Variants in TULP4 observed in about 807,000 individuals in gnomAD.
TULP4 encodes tubby-related protein 4.
In TULP4, 16 loss-of-function variants were observed where a neutral mutation model predicts 129.0. The observed-to-expected ratio is 0.12, with a 90% CI of 0.08 to 0.19. The LOEUF (loss-of-function observed/expected upper bound fraction) is 0.19, where lower values mean the gene tolerates loss of function less well. Ranked by LOEUF, TULP4 falls within the 10% of genes least tolerant of loss-of-function variation. The pLI is 1.00. For synonymous variants in TULP4, 998 were observed against 854.0 expected, an observed-to-expected ratio of 1.17 and a Z score of -2.94; for missense variants, 1,842 against 2,059.1, an observed-to-expected ratio of 0.89 and a Z score of 2.04.
chr6:158,309,326 G>C (rs1779291479), upstream of TULP4, among the ~76,000 whole-genome samples: 1 of 142,980 alleles, frequency 7.0e-6, no homozygotes, highest in South Asian at 2.5e-4. Flanking sequence ...CCACATCTCA[G>C]ACCATGGGCA....
At chr6:158,371,981 A>C (rs1485342562) in intron 1 of TULP4, among the ~76,000 whole-genome samples, 1 of 151,940 alleles carries the variant, frequency 6.6e-6, no homozygotes, top group East Asian at 1.9e-4. Flanking sequence ...TGCCTGGCTA[A>C]TTTTTGTATT....
intron 1 of TULP4, among the ~76,000 whole-genome samples, chr6:158,239,074 C>G (rs1425184479): frequency 7.7e-6 from 1 of 130,114 alleles, no homozygotes; most frequent in African/African-American, 2.6e-5. Flanking sequence ...CCCCACCTCC[C>G]TCCCGGACGG....
intron 1 of TULP4, among the ~76,000 whole-genome samples, chr6:158,264,454 G>A (rs1778413325): frequency 2.0e-5 from 3 of 152,052 alleles, no homozygotes; most frequent in African/African-American, 7.3e-5. Flanking sequence ...GCTTATTTGT[G>A]TGTTTAAAAT....
At chr6:158,348,253 A>G (rs982653557) in intron 1 of TULP4, among the ~76,000 whole-genome samples, 4 of 148,064 alleles carry the variant, frequency 2.7e-5, no homozygotes, top group Non-Finnish European at 4.4e-5. Flanking sequence ...ATAGGATAAT[A>G]GTGGAGAGAA....
At chr6:158,376,160 A>G (rs1205563789) in intron 1 of TULP4, among the ~76,000 whole-genome samples, 1 of 152,154 alleles carries the variant, frequency 6.6e-6, no homozygotes, top group Non-Finnish European at 1.5e-5. Flanking sequence ...GCAGTTGTCT[A>G]TTGGATAGCA....
rs866557030 is a variant in TULP4 at position 158,453,786 on chromosome 6, C to T, written c.859+1518C>T. On this transcript the variant is annotated intron_variant, in intron 5 of 13. Coordinates refer to ENST00000367097, the MANE Select transcript of TULP4 (RefSeq NM_020245.5). Reference sequence around the variant, plus strand: ...CCTGGATGACAGAGCAGGACTCTGTCTCGGAAAAAAAAAAAAAAAAGCCAG... The same window carrying T: ...CCTGGATGACAGAGCAGGACTCTGTTTCGGAAAAAAAAAAAAAAAAGCCAG... Among the ~76,000 whole-genome samples the T allele has an allele frequency of 4.1e-3, 451 of 109,990 alleles. 1 individual carries two copies. The highest frequency in any genetic ancestry group is 0.019 in the African/African-American group (434 of 22,570). 72.2% of individuals were successfully genotyped at this position (109,990 alleles called of 152,430 possible).
chr6:158,286,377 C>G (rs1778836282), intron 1 of TULP4, among the ~76,000 whole-genome samples: 1 of 152,112 alleles, frequency 6.6e-6, no homozygotes, highest in Non-Finnish European at 1.5e-5. Context: ...CCTTTGTTTT[C>G]TCTCGCAATT....
In TULP4 at chr6:158,504,016, T is replaced by C. The variant is rs1194839601; in HGVS notation, c.4353T>C (p.Ser1451=). The C allele has an allele frequency of 9.3e-6, 15 of 1,611,900 alleles. No individual in the cohort carries two copies. Among genetic ancestry groups the C allele is most frequent in the African/African-American group, 1.3e-5 (1 of 74,788 alleles). ...ELEEAKCRRA[S]EKEDGRLGSQ... is the part of the protein sequence containing the mutation. Reference sequence around the variant, plus strand: ...AGGAGGCCAAGTGCCGGCGGGCCAGTGAGAAGGAGGACGGGCGGCTGGGCA... The same window carrying C: ...AGGAGGCCAAGTGCCGGCGGGCCAGCGAGAAGGAGGACGGGCGGCTGGGCA... The change falls in exon 13 of 14, where the codon AGT becomes AGC. Residue 1451 remains serine (S), a synonymous_variant. Coordinates refer to ENST00000367097, the MANE Select transcript of TULP4 (RefSeq NM_020245.5).
chr6:158,295,071 G>A (rs1451797086), intron 1 of TULP4, among the ~76,000 whole-genome samples: 1 of 152,082 alleles, frequency 6.6e-6, no homozygotes, highest in African/African-American at 2.4e-5. Flanking sequence ...AAACATTAGG[G>A]TGTTTGCATA....
intron 1 of TULP4, among the ~76,000 whole-genome samples, chr6:158,407,281 G>A (rs997021444): frequency 2.6e-5 from 4 of 152,178 alleles, no homozygotes; most frequent in Admixed American, 1.3e-4. Context: ...AAGATGCTCC[G>A]CATCATTAAC....
In TULP4 at chr6:158,395,670, G is replaced by GGGGGCGGA. The variant is rs770164209; in HGVS notation, c.253-17391_253-17390insCGGAGGGG. On this transcript the variant is annotated intron_variant, in intron 1 of 13. Coordinates refer to ENST00000367097, the MANE Select transcript of TULP4 (RefSeq NM_020245.5). ...TGGCCCTGAGGTAAAGTGATGGGCG[G>GGGGGCGGA]GGGGGGGGTCATGGCAGAAGCACCT... is the stretch of plus-strand genomic sequence containing the variant. 1.2e-4 allele frequency among the ~76,000 whole-genome samples: 10 copies of GGGGGCGGA among 80,032 alleles called. 1 individual carries two copies. The highest frequency in any genetic ancestry group is 3.0e-4 in the African/African-American group (7 of 23,226). The allele number at this position is 80,032 out of a possible 152,430, so 52.5% of individuals were successfully genotyped here.
intron 1 of TULP4, chr6:158,398,483 C>CA (rs1316890115): frequency 6.6e-6 from 1 of 152,220 alleles, no homozygotes; most frequent in African/African-American, 2.4e-5. Flanking sequence ...GGAGTGAGCC[C>CA]TATGAGGAAG....
chr6:158,384,486 C>T (rs1174727604), intron 1 of TULP4, among the ~76,000 whole-genome samples: 2 of 152,230 alleles, frequency 1.3e-5, no homozygotes, highest in African/African-American at 4.8e-5. Flanking sequence ...GACGGGGTTT[C>T]ACTGTGTTAG....
chr6:158,297,047 G>A (rs1187832481), intron 1 of TULP4, among the ~76,000 whole-genome samples: 1 of 152,132 alleles, frequency 6.6e-6, no homozygotes, highest in Non-Finnish European at 1.5e-5. Flanking sequence ...CCCAATCCTA[G>A]TAAGCCTGAG....
At chr6:158,388,304 A>T (rs944128730) in intron 1 of TULP4, among the ~76,000 whole-genome samples, 1 of 150,972 alleles carries the variant, frequency 6.6e-6, no homozygotes, top group African/African-American at 2.4e-5. Flanking sequence ...TTTAAAGAAA[A>T]ATAATCTGCT....
intron 1 of TULP4, among the ~76,000 whole-genome samples, chr6:158,339,069 G>GC (rs1015519797): frequency 2.0e-5 from 3 of 152,178 alleles, no homozygotes; most frequent in African/African-American, 4.8e-5. Flanking sequence ...AGGGGAACCT[G>GC]CCCCCAGTAA....
At chr6:158,380,397 T>C (rs1474598029) in intron 1 of TULP4, among the ~76,000 whole-genome samples, 2 of 152,172 alleles carry the variant, frequency 1.3e-5, no homozygotes, top group Non-Finnish European at 2.9e-5. Context: ...AGTAGCTCAG[T>C]TGGTTCTCTC....
intron 1 of TULP4, among the ~76,000 whole-genome samples, chr6:158,256,725 A>G (rs1778251603): frequency 6.6e-6 from 1 of 152,210 alleles, no homozygotes; most frequent in Admixed American, 6.5e-5. Flanking sequence ...CTGCAATGAA[A>G]AGCTACAGTA....
In TULP4 at chr6:158,501,836, A is replaced by G; in HGVS notation, c.2173A>G (p.Thr725Ala). 1 of 1,614,106 alleles carries G rather than the reference A, an allele frequency of 6.2e-7. No individual in the cohort carries two copies. ...TCAGAATGTGCAGCTAGATGTCCTG[A>G]CCAACCAGACGACAGCTGTAGGGAC... is the stretch of plus-strand genomic sequence containing the variant. ...ANQNVQLDVL[T>A]NQTTAVGTAE... The change falls in exon 13 of 14, where the codon ACC (threonine) becomes GCC (alanine). Residue 725 changes from threonine to alanine, a missense_variant. Thr to Ala is a moderately conservative substitution (Grantham distance 58, BLOSUM62 0). Coordinates refer to ENST00000367097, the MANE Select transcript of TULP4 (RefSeq NM_020245.5).
Sources: allele counts gnomAD v4.1 joint callset (sites outside exome capture counted in the v4.1 genomes callset), GRCh38; gene constraint gnomAD v4.1.1; transcripts MANE v1.5; gene names NCBI Gene and HGNC (gene_info 2026-07-23, HGNC 2026-07-21).